Variants in CADM2 observed in about 807,000 individuals in gnomAD.
CADM2 encodes cell adhesion molecule 2, also known as immunoglobulin superfamily member 4D.
Under a neutral mutation model 49.8 loss-of-function variants are expected in CADM2, and 12 were observed. The ratio of observed to expected loss-of-function variants is 0.24; its 90% CI spans 0.15 to 0.39. The LOEUF is 0.39. CADM2 is among the 10% of genes least tolerant of loss of function. The pLI is 1.00. For synonymous variants in CADM2, 214 were observed against 175.4 expected, an observed-to-expected ratio of 1.22 and a Z score of -1.74; for missense variants, 378 against 492.3, an observed-to-expected ratio of 0.77 and a Z score of 2.20.
chr3:85,111,146 T>C (rs1342700181), intron 1 of CADM2, among the ~76,000 whole-genome samples: 1 of 151,926 alleles, frequency 6.6e-6, no homozygotes, highest in East Asian at 1.9e-4. Context: ...CTTTCCTTCT[T>C]GTTAATATTT....
intron 1 of CADM2, among the ~76,000 whole-genome samples, chr3:85,410,337 A>C (rs780573763): frequency 3.3e-5 from 5 of 152,104 alleles, no homozygotes; most frequent in Non-Finnish European, 7.4e-5. Flanking sequence ...CATTAGGGAG[A>C]CTATTAGGTA....
chr3:85,101,209 G>A (rs140904659), intron 1 of CADM2, among the ~76,000 whole-genome samples: 10,544 of 152,074 alleles, frequency 0.069, 559 homozygotes, highest in Admixed American at 0.17. Flanking sequence ...AGCCGAGAGC[G>A]CACCACTGCA....
At chr3:86,059,122 C>G (rs1738334511) in intron 8 of CADM2, among the ~76,000 whole-genome samples, 1 of 150,726 alleles carries the variant, frequency 6.6e-6, no homozygotes, top group African/African-American at 2.4e-5. Flanking sequence ...AATTCCAACA[C>G]TAGAATGAAA....
intron 3 of CADM2, among the ~76,000 whole-genome samples, chr3:85,873,993 A>T (rs375263921): frequency 6.6e-6 from 1 of 151,972 alleles, no homozygotes; most frequent in South Asian, 2.1e-4. Flanking sequence ...AAAATATTAA[A>T]CTCATTTCAT....
intron 7 of CADM2, among the ~76,000 whole-genome samples, chr3:85,949,303 T>C (rs1447523438): frequency 6.6e-6 from 1 of 151,468 alleles, no homozygotes; most frequent in Non-Finnish European, 1.5e-5. Context: ...TTCTTGTATA[T>C]ATGTGTTTAC....
chr3:85,167,200 T>G (rs2040493186), intron 1 of CADM2, among the ~76,000 whole-genome samples: 1 of 151,980 alleles, frequency 6.6e-6, no homozygotes, highest in African/African-American at 2.4e-5. Context: ...GCAGAAAGGG[T>G]TTGAAGGAGA....
At chr3:85,732,042 G>C (rs1397294776) in intron 2 of CADM2, among the ~76,000 whole-genome samples, 1 of 134,964 alleles carries the variant, frequency 7.4e-6, no homozygotes, top group Non-Finnish European at 1.5e-5. Context: ...GAGGTCATGA[G>C]ATCAAGACCA....
chr3:85,420,262 A>G (rs9861269), intron 1 of CADM2, among the ~76,000 whole-genome samples: 1 of 152,000 alleles, frequency 6.6e-6, no homozygotes, highest in Non-Finnish European at 1.5e-5. Context: ...CTTCTAATAC[A>G]CTCTTGACTT....
chr3:85,038,718 TC>T (rs2035318283), intron 1 of CADM2, among the ~76,000 whole-genome samples: 1 of 152,198 alleles, frequency 6.6e-6, no homozygotes, highest in Non-Finnish European at 1.5e-5. Flanking sequence ...AAATGAAAGA[TC>T]TACTTAGCAT....
chr3:85,395,043 T>C (rs1220696043), intron 1 of CADM2, among the ~76,000 whole-genome samples: 1 of 151,958 alleles, frequency 6.6e-6, no homozygotes, highest in African/African-American at 2.4e-5. Flanking sequence ...TTTTTAATAA[T>C]GAAATCTTAT....
intron 2 of CADM2, among the ~76,000 whole-genome samples, chr3:85,791,523 A>AGG (rs2071325027): frequency 7.2e-6 from 1 of 139,372 alleles, no homozygotes; most frequent in South Asian, 2.3e-4. Context: ...GTGGGGAGGG[A>AGG]GAGAGAGAGA....
chr3:85,443,712 T>C (rs2037313916), intron 1 of CADM2, among the ~76,000 whole-genome samples: 1 of 152,110 alleles, frequency 6.6e-6, no homozygotes, highest in Admixed American at 6.6e-5. Flanking sequence ...TTTAACTGTC[T>C]CTTTGCTCCT....
At chr3:85,121,382 A>G (rs1010241330) in intron 1 of CADM2, among the ~76,000 whole-genome samples, 3 of 152,232 alleles carry the variant, frequency 2.0e-5, no homozygotes, top group Admixed American at 6.5e-5. Flanking sequence ...AGAAATTATT[A>G]CATATTCCTG....
intron 1 of CADM2, among the ~76,000 whole-genome samples, chr3:85,279,622 GTC>G (rs558046854): frequency 3.6e-4 from 55 of 151,374 alleles, no homozygotes; most frequent in Non-Finnish European, 7.7e-4. Context: ...ACTGGTGATA[GTC>G]TCTAAATTTA....
intron 1 of CADM2, among the ~76,000 whole-genome samples, chr3:85,383,244 C>T (rs1263274301): frequency 6.6e-6 from 1 of 152,052 alleles, no homozygotes; most frequent in Non-Finnish European, 1.5e-5. Context: ...TCTGCTGTGA[C>T]TCTGGAGACT....
At position 86,066,763 on chromosome 3, in the gene CADM2, A is replaced by G. The variant is rs1739388262; in HGVS notation, c.1195A>G (p.Lys399Glu). 3 of 1,611,692 alleles carry G rather than the reference A, an allele frequency of 1.9e-6. No homozygotes were observed. The highest frequency in any genetic ancestry group is 2.5e-6 in the Non-Finnish European group (3 of 1,177,948). Reference sequence around the variant, plus strand: ...AGGCAGCCAAGTCAATGCTGAAGAGAAAAAAGAGTATTTCATTTAAGATGC... The same window carrying G: ...AGGCAGCCAAGTCAATGCTGAAGAGGAAAAAGAGTATTTCATTTAAGATGC... Reference protein sequence around the residue: ...AEGSQVNAEEKKEYFI With the variant: ...AEGSQVNAEEEKEYFI Residue 399 changes from lysine to glutamate, a missense_variant, in exon 10 of 10, where the codon AAA (lysine) becomes GAA (glutamate). Transcript: ENST00000383699.
At chr3:85,636,570 T>C (rs2064494759) in intron 1 of CADM2, among the ~76,000 whole-genome samples, 1 of 152,174 alleles carries the variant, frequency 6.6e-6, no homozygotes, top group Non-Finnish European at 1.5e-5. Context: ...ACAGTGTTGA[T>C]CAAGTCTACA....
At chr3:85,504,959 G>A (rs559640796) in intron 1 of CADM2, among the ~76,000 whole-genome samples, 3 of 152,188 alleles carry the variant, frequency 2.0e-5, no homozygotes, top group African/African-American at 4.8e-5. Context: ...AGGGCCGGCC[G>A]GCTGCTTCGC....
intron 1 of CADM2, among the ~76,000 whole-genome samples, chr3:85,059,555 A>G (rs573003584): frequency 4.1e-4 from 62 of 152,204 alleles, no homozygotes; most frequent in African/African-American, 1.4e-3. Context: ...ACCCAAATCT[A>G]ATCTTGAATT....
Sources: gnomAD v4.1 joint callset for allele counts (sites outside exome capture counted in the v4.1 genomes callset) on GRCh38, gnomAD v4.1.1 for gene constraint, MANE v1.5 for transcripts, NCBI Gene and HGNC (gene_info 2026-07-23, HGNC 2026-07-21) for gene names.